CILP: variants seen among roughly 807,000 people sequenced by gnomAD.
The protein encoded by CILP is cartilage intermediate layer protein 1.
CILP carries 75 observed loss-of-function variants against 82.5 expected under a neutral mutation model. The observed-to-expected ratio is 0.91, with a 90% CI of 0.75 to 1.10. The LOEUF (loss-of-function observed/expected upper bound fraction) is 1.10, where lower values mean the gene tolerates loss of function less well. Among genes scored for constraint, CILP ranks in the 50% least tolerant of loss-of-function variants. The pLI, the probability that CILP is intolerant of heterozygous loss-of-function variation, is 0.00. For synonymous variants in CILP, 530 were observed against 580.3 expected (o/e 0.91, Z 1.25); for missense variants, 1,479 against 1,530.8 (o/e 0.97, Z 0.56).
chr15:65,209,908 C>A, intron 1 of CILP, 47 bp from the exon 2 acceptor site: 1 of 628,452 alleles, frequency 1.6e-6, no homozygotes, highest in Non-Finnish European at 2.9e-6. Context: ...TGAATCACCG[C>A]TTATGGCTCA....
Position 65,201,893 on chromosome 15 carries a change from C to G in CILP, c.1165G>C (p.Val389Leu). Residue 389 changes from valine (V) to leucine (L), a missense_variant, in exon 8 of 9, where the codon GTT becomes CTT. Transcript: ENST00000261883. The part of the protein sequence containing the change: ...QSDAGAVKSK[V>L]AQLIVIASDE... ...TTACCTATGACAATCAGCTGGGCAA[C>G]CTTGGACTTCACAGCCCCAGCATCA... The G allele has an allele frequency of 6.4e-7, 1 of 1,573,714 alleles. No homozygotes were observed. The highest frequency in any genetic ancestry group is 1.4e-5 in the African/African-American group (1 of 73,008).
rs60521346 is a variant in CILP at position 65,198,820 on chromosome 15, C to T, written c.1466G>A (p.Arg489Gln). 8.7e-6 allele frequency: 14 copies of T among 1,614,128 alleles called. No individual in the cohort carries two copies. The Middle Eastern group carries it at 4.9e-4, about 57-fold the overall frequency. Residue 489 changes from arginine (R) to glutamine (Q), a missense_variant, in exon 9 of 9, where the codon CGG becomes CAG. Physicochemically the swap from Arg to Gln is conservative, Grantham distance 43. Coordinates refer to ENST00000261883, the MANE Select transcript of CILP (RefSeq NM_003613.4). ...ACTGACACGGCCCCGCACGATGCTCCGAGTTTCCGTACACCGCTGGCAGCT... is the reference window on the plus strand; with the variant it reads ...ACTGACACGGCCCCGCACGATGCTCTGAGTTTCCGTACACCGCTGGCAGCT... ...ECSCQRCTET[R>Q]SIVRGRVSAA...
chr15:65,199,695 C>T (rs192593098), intron 8 of CILP, among the ~76,000 whole-genome samples: 4 of 152,282 alleles, frequency 2.6e-5, no homozygotes, highest in African/African-American at 9.6e-5. Context: ...TGGTGGCACA[C>T]GCCTGTAGTC....
At chr15:65,209,577 C>T in intron 2 of CILP, 118 bp downstream of exon 2, 1 of 818,248 alleles carries the variant, frequency 1.2e-6, no homozygotes, top group South Asian at 1.6e-5. Flanking sequence ...CATAAAGTGG[C>T]CTCAGGTCTT....
In CILP at chr15:65,197,845, T is replaced by C; in HGVS notation, c.2441A>G (p.Asp814Gly). ...NGACVPAFCD[D>G]QSPDAYSAYV... The stretch of plus-strand genomic sequence containing the variant: ...GGCAGAGTAGGCATCAGGGGACTGG[T>C]CATCACAGAAGGCAGGCACACAGGC... The change falls in exon 9 of 9, where the codon GAC (aspartate) becomes GGC (glycine). Residue 814 changes from aspartate (D) to glycine (G), a missense_variant. Transcript: ENST00000261883. 6.2e-7 allele frequency: 1 copy of C among 1,614,000 alleles called. No individual in the cohort carries two copies. The highest frequency in any genetic ancestry group is 8.5e-7 in the Non-Finnish European group (1 of 1,179,984).
intron 4 of CILP, among the ~76,000 whole-genome samples, chr15:65,206,449 C>T (rs1328561361): frequency 1.3e-5 from 2 of 152,142 alleles, no homozygotes; most frequent in African/African-American, 4.8e-5. Context: ...GGGGACACAT[C>T]ATATTGCGGG....
In CILP at chr15:65,198,065, G is replaced by C; in HGVS notation, c.2221C>G (p.Leu741Val). 6.2e-7 allele frequency: 1 copy of C among 1,614,214 alleles called. No homozygotes were observed. Among genetic ancestry groups the C allele is most frequent in the Non-Finnish European group, 8.5e-7 (1 of 1,180,044 alleles). ...CTTTCAGGAACATCCAGGTTAAAGA[G>C]CCTCCTCTCACGAATCTCCAGGTTG... ...VGNLEIRERR[L>V]FNLDVPESRR... Residue 741 changes from leucine (L) to valine (V), a missense_variant, in exon 9 of 9, where the codon CTC becomes GTC. Transcript: ENST00000261883.
rs891100886 is a variant in CILP at position 65,204,295 on chromosome 15, T to C, written c.892A>G (p.Thr298Ala). The change falls in exon 6 of 9, where the codon ACC becomes GCC. Residue 298 changes from threonine (T) to alanine (A), a missense_variant. Transcript: ENST00000261883. Reference protein sequence around the residue: ...TMPKTSLKAATIKAEFVRAET... With the variant: ...TMPKTSLKAAAIKAEFVRAET... Reference sequence around the variant, plus strand: ...GCCCTCACAAACTCTGCCTTGATGGTGGCTGCCTTCAGGCTAGTCTTGGGC... The same window carrying C: ...GCCCTCACAAACTCTGCCTTGATGGCGGCTGCCTTCAGGCTAGTCTTGGGC... 1 of 1,614,052 alleles carries C rather than the reference T, an allele frequency of 6.2e-7. No individual in the cohort carries two copies. The highest frequency in any genetic ancestry group is 1.3e-5 in the African/African-American group (1 of 75,058).
rs1439360326 is a variant in CILP at position 65,197,003 on chromosome 15, A to G, written c.3283T>C (p.Cys1095Arg). 1.9e-6 allele frequency: 3 copies of G among 1,614,066 alleles called. No homozygotes were observed. The highest frequency in any genetic ancestry group is 2.5e-6 in the Non-Finnish European group (3 of 1,180,042). ...GAGCCATCGGATGTGCCATCAAAGC[A>G]CCGGCCGAGCGCGATCTCCTTGGCC... The part of the protein sequence containing the change: ...RTAKEIALGR[C>R]FDGTSDGSSR... The change falls in exon 9 of 9, where the codon TGC (cysteine) becomes CGC (arginine). Residue 1095 changes from cysteine to arginine, a missense_variant. Coordinates refer to ENST00000261883, the MANE Select transcript of CILP (RefSeq NM_003613.4).
In CILP at chr15:65,198,953, T is replaced by C. The variant is rs2088417621; in HGVS notation, c.1333A>G (p.Ile445Val). 6.2e-7 allele frequency: 1 copy of C among 1,613,788 alleles called. No homozygotes were observed. Among genetic ancestry groups the C allele is most frequent in the African/African-American group, 1.3e-5 (1 of 74,930 alleles). The change falls in exon 9 of 9, where the codon ATC becomes GTC. Residue 445 changes from isoleucine (I) to valine (V), a missense_variant. Coordinates refer to ENST00000261883, the MANE Select transcript of CILP (RefSeq NM_003613.4). ...TTCTGCACAGCATCACGGCACCTGA[T>C]CCCATTATCCTGCTGCCCTGCACAA... Reference protein sequence around the residue: ...KTCAGQQDNGIRCRDAVQNCC... With the variant: ...KTCAGQQDNGVRCRDAVQNCC...
chr15:65,196,956 A>G lies in CILP; in HGVS notation c.3330T>C (p.Asn1110=), dbSNP rs747201105. 6.2e-7 allele frequency: 1 copy of G among 1,613,948 alleles called. No homozygotes were observed. The highest frequency in any genetic ancestry group is 1.3e-5 in the African/African-American group (1 of 75,032). Residue 1110 remains asparagine, a synonymous_variant, in exon 9 of 9, where the codon AAT becomes AAC. Transcript: ENST00000261883. ...AGTTGAAGGTGAGGGCTACTCCCACATTGCTCTTCATGATTCTGGAGGAGC... is the reference window on the plus strand; with the variant it reads ...AGTTGAAGGTGAGGGCTACTCCCACGTTGCTCTTCATGATTCTGGAGGAGC... The part of the protein sequence containing the change: ...SDGSSRIMKS[N]VGVALTFNCV...
chr15:65,203,588 AC>A, intron 6 of CILP, 118 bp from the exon 7 acceptor site: 1 of 677,788 alleles, frequency 1.5e-6, no homozygotes. Flanking sequence ...CTTCACCCCT[AC>A]CCCCAGCCCA....
intron 1 of CILP, among the ~76,000 whole-genome samples, chr15:65,210,934 G>A (rs1192028792): frequency 6.6e-6 from 1 of 152,228 alleles, no homozygotes; most frequent in East Asian, 1.9e-4. Context: ...TGAGCAGTCT[G>A]CTGGCCTGCA....
At chr15:65,205,609 A>G (rs183512796) in intron 4 of CILP, 143 bp from the exon 5 acceptor site, 248 of 905,188 alleles carry the variant, frequency 2.7e-4, no homozygotes, top group Non-Finnish European at 4.0e-4. Flanking sequence ...TATTTACTGC[A>G]GTGATTTTTC....
chr15:65,195,999 C>T lies in CILP; in HGVS notation c.*732G>A, dbSNP rs931533210. On this transcript the variant is annotated 3_prime_UTR_variant, in exon 9 of 9. Transcript: ENST00000261883. Reference sequence around the variant, plus strand: ...TTAATAGTTAAGACAGGACAGTGGCCTCAGAATCGAAATACAGAGTATGCA... The same window carrying T: ...TTAATAGTTAAGACAGGACAGTGGCTTCAGAATCGAAATACAGAGTATGCA... The T allele has an allele frequency of 6.6e-6, 1 of 152,168 alleles. No homozygotes were observed. The highest frequency in any genetic ancestry group is 1.5e-5 in the Non-Finnish European group (1 of 68,050). The allele number at this position is 152,168 out of a possible 1,614,324, so 9.4% of individuals were successfully genotyped here. A position where few individuals can be genotyped will look rare whatever the true frequency, so the allele number is the denominator to read the frequency against.
chr15:65,208,233 C>T (rs2088540285), intron 2 of CILP, among the ~76,000 whole-genome samples: 1 of 152,120 alleles, frequency 6.6e-6, no homozygotes, highest in African/African-American at 2.4e-5. Context: ...ATTCAGTTGG[C>T]ATGAGGATTC....
Position 65,198,125 on chromosome 15 carries a change from T to G in CILP, c.2161A>C (p.Arg721=). ...AAGGTTCTGTCTTCTCTTTTGTTCC[T>G]CCTTTGATTTTCAAATTTGAAATCA... The part of the protein sequence containing the change: ...EGDFKFENQR[R]NKREDRTFLV... The change falls in exon 9 of 9, where the codon AGG becomes CGG. Residue 721 remains arginine, a synonymous_variant. Coordinates refer to ENST00000261883, the MANE Select transcript of CILP (RefSeq NM_003613.4). 6.2e-7 allele frequency: 1 copy of G among 1,614,228 alleles called. No homozygotes were observed. The highest frequency in any genetic ancestry group is 1.7e-5 in the Admixed American group (1 of 60,028).
intron 2 of CILP, among the ~76,000 whole-genome samples, chr15:65,209,436 T>C (rs2088561373): frequency 6.6e-6 from 1 of 152,162 alleles, no homozygotes; most frequent in African/African-American, 2.4e-5. Context: ...AACCCTCTTA[T>C]CTTTTTTTCC....
chr15:65,200,348 A>G (rs2088433784), intron 8 of CILP, among the ~76,000 whole-genome samples: 2 of 152,320 alleles, frequency 1.3e-5, no homozygotes, highest in Middle Eastern at 3.4e-3. Flanking sequence ...TATCTCTGCC[A>G]ATGTCCAGAG....
Sources: allele counts gnomAD v4.1 joint callset (sites outside exome capture counted in the v4.1 genomes callset), GRCh38; gene constraint gnomAD v4.1.1; transcripts MANE v1.5; gene names NCBI Gene and HGNC (gene_info 2026-07-23, HGNC 2026-07-21).